TGFBRAP1: variants seen among roughly 807,000 people sequenced by gnomAD.
The protein encoded by TGFBRAP1 is transforming growth factor-beta receptor-associated protein 1.
Under a neutral mutation model 83.2 loss-of-function variants are expected in TGFBRAP1, and 20 were observed. The ratio of observed to expected loss-of-function variants is 0.24; its 90% CI spans 0.17 to 0.35. TGFBRAP1 has a LOEUF of 0.35. Ranked by LOEUF, TGFBRAP1 falls within the 10% of genes least tolerant of loss-of-function variation. The pLI is 1.00. For synonymous variants in TGFBRAP1, 415 were observed against 459.8 expected (o/e 0.90, Z 1.25); for missense variants, 950 against 1,099.4 (o/e 0.86, Z 1.92).
chr2:105,275,492 A>C, intron 8 of TGFBRAP1, 68 bp downstream of exon 8: 1 of 1,565,820 alleles, frequency 6.4e-7, no homozygotes, highest in Admixed American at 2.0e-5. Context: ...TCCTAAAAGC[A>C]AAGCTTTTGG....
chr2:105,277,437 T>C (rs1677386728), intron 7 of TGFBRAP1, among the ~76,000 whole-genome samples, 177 bp downstream of exon 7: 1 of 152,226 alleles, frequency 6.6e-6, no homozygotes. Context: ...AGAAAACTCT[T>C]GGCCAACATT....
chr2:105,300,922 T>C (rs762452699), intron 2 of TGFBRAP1, among the ~76,000 whole-genome samples: 4 of 152,104 alleles, frequency 2.6e-5, no homozygotes, highest in African/African-American at 4.8e-5. Context: ...TGGACAGCTA[T>C]ATAAAAAAGA....
intron 2 of TGFBRAP1, 98 bp from the exon 3 acceptor site, chr2:105,298,803 C>A (rs1346515126): frequency 1.7e-6 from 2 of 1,173,130 alleles, no homozygotes; most frequent in South Asian, 3.4e-5. Flanking sequence ...TGCCCACCAG[C>A]AATTTTCCTG....
chr2:105,307,696 A>C lies in TGFBRAP1; in HGVS notation c.606T>G (p.Phe202Leu). The C allele has an allele frequency of 6.2e-7, 1 of 1,614,066 alleles. No homozygotes were observed. The highest frequency in any genetic ancestry group is 1.1e-5 in the South Asian group (1 of 91,082). The change falls in exon 2 of 12, where the codon TTT becomes TTG. Residue 202 changes from phenylalanine (F) to leucine (L), a missense_variant. By Grantham distance (22) the Phe-to-Leu change is conservative. Transcript: ENST00000393359. ...NYSTGVSQDL[F>L]PYCSEERPPI... ...GCGGCCTCTCCTCACTGCAGTAGGG[A>C]AACAGGTCCTGGGAGACGCCTGTGC...
At chr2:105,328,213 G>T (rs900211424) in intron 1 of TGFBRAP1, among the ~76,000 whole-genome samples, 1 of 152,114 alleles carries the variant, frequency 6.6e-6, no homozygotes, top group Non-Finnish European at 1.5e-5. Flanking sequence ...AATGGCAGAG[G>T]CAGGATTTGA....
chr2:105,260,135 A>G (rs944512660), downstream of TGFBRAP1, among the ~76,000 whole-genome samples: 9 of 152,354 alleles, frequency 5.9e-5, no homozygotes, highest in African/African-American at 2.2e-4. Flanking sequence ...ATGGCTGGGC[A>G]TGGTGGCTTA....
chr2:105,280,309 A>C (rs1573170884), intron 6 of TGFBRAP1, 73 bp downstream of exon 6: 3 of 1,485,794 alleles, frequency 2.0e-6, no homozygotes, highest in East Asian at 4.6e-5. Flanking sequence ...CTTCACGAGG[A>C]TCTCCCCAGC....
At chr2:105,302,061 G>A (rs1255977503) in intron 2 of TGFBRAP1, among the ~76,000 whole-genome samples, 4 of 145,488 alleles carry the variant, frequency 2.7e-5, no homozygotes, top group South Asian at 2.1e-4. Flanking sequence ...AATTCCCATC[G>A]GAAGAAATGT....
chr2:105,310,097 C>A (rs1299685216), intron 1 of TGFBRAP1, among the ~76,000 whole-genome samples: 1 of 152,156 alleles, frequency 6.6e-6, no homozygotes, highest in Non-Finnish European at 1.5e-5. Context: ...GTTACAGCAG[C>A]TGGAATGGAC....
At chr2:105,268,665 CAAAGGCT>C (rs1677028954) in intron 11 of TGFBRAP1, among the ~76,000 whole-genome samples, 1 of 152,154 alleles carries the variant, frequency 6.6e-6, no homozygotes, top group Non-Finnish European at 1.5e-5. Context: ...GGAGCGTCAG[CAAAGGCT>C]TCTAAGTGGG....
intron 1 of TGFBRAP1, among the ~76,000 whole-genome samples, chr2:105,326,022 TA>T (rs532997651): frequency 6.6e-6 from 1 of 152,018 alleles, no homozygotes; most frequent in Admixed American, 6.6e-5. Context: ...CAAGAGTATC[TA>T]AAAAAAGAGG....
Position 105,267,307 on chromosome 2 carries a change from G to A in TGFBRAP1, c.*76C>T. 1.9e-6 allele frequency: 3 copies of A among 1,566,322 alleles called. No individual in the cohort carries two copies. The highest frequency in any genetic ancestry group is 2.6e-6 in the Non-Finnish European group (3 of 1,151,516). On this transcript the variant is annotated 3_prime_UTR_variant, in exon 12 of 12. Transcript: ENST00000393359. ...CTTCGTCCTGGCTGACACAGAGCAT[G>A]GTGGTCATCTGCTCTTCATGTCCAG... is the stretch of plus-strand genomic sequence containing the variant.
intron 10 of TGFBRAP1, among the ~76,000 whole-genome samples, chr2:105,271,423 G>A (rs889408856): frequency 6.6e-6 from 1 of 152,230 alleles, no homozygotes; most frequent in Non-Finnish European, 1.5e-5. Flanking sequence ...TGATCAGTCA[G>A]GGACGGTGGC....
At chr2:105,295,279 A>G (rs1573190847) in intron 4 of TGFBRAP1, among the ~76,000 whole-genome samples, 1 of 152,318 alleles carries the variant, frequency 6.6e-6, no homozygotes, top group East Asian at 1.9e-4. Flanking sequence ...ATATCATTCC[A>G]CAACAATTAC....
At chr2:105,253,008 C>T in the TGFBRAP1 span, among the ~76,000 whole-genome samples, 1 of 152,166 alleles carries the variant, frequency 6.6e-6, no homozygotes, top group Non-Finnish European at 1.5e-5. Context: ...CCCGCCTCAG[C>T]CTCCCAAAGA....
At chr2:105,325,691 T>C (rs1330215806) in intron 1 of TGFBRAP1, among the ~76,000 whole-genome samples, 1 of 152,050 alleles carries the variant, frequency 6.6e-6, no homozygotes, top group African/African-American at 2.4e-5. Context: ...AGACACAGAA[T>C]AGTATGTTGA....
chr2:105,255,027 TG>T, the TGFBRAP1 span, among the ~76,000 whole-genome samples: 3 of 152,310 alleles, frequency 2.0e-5, no homozygotes, highest in South Asian at 2.1e-4. Context: ...TGTGGTATTT[TG>T]TTACAGCAGA....
chr2:105,287,240 G>A (rs930480509), intron 4 of TGFBRAP1, among the ~76,000 whole-genome samples: 3 of 152,160 alleles, frequency 2.0e-5, no homozygotes, highest in African/African-American at 4.8e-5. Context: ...GTAGCACAGC[G>A]TTTCTGCCTG....
intron 5 of TGFBRAP1, 148 bp downstream of exon 5, chr2:105,284,168 T>C: frequency 1.5e-6 from 1 of 669,912 alleles, no homozygotes. Flanking sequence ...ATTGGCGGGG[T>C]CTGCTGTCAC....
Sources: allele counts gnomAD v4.1 joint callset (sites outside exome capture counted in the v4.1 genomes callset), GRCh38; gene constraint gnomAD v4.1.1; transcripts MANE v1.5; gene names NCBI Gene and HGNC (gene_info 2026-07-23, HGNC 2026-07-21).